ABTB3: variants seen among roughly 807,000 people sequenced by gnomAD.
ABTB3 encodes the protein ankyrin repeat- and BTB/POZ domain-containing protein 3.
chr12:107,429,216 T>C, the ABTB3 span, among the ~76,000 whole-genome samples: 19,736 of 152,112 alleles, frequency 0.13, 1,732 homozygotes, highest in Admixed American at 0.25. Flanking sequence ...TCAGTTCTGT[T>C]CCAGCTTGGG....
At chr12:107,458,577 C>A in the ABTB3 span, among the ~76,000 whole-genome samples, 1 of 152,186 alleles carries the variant, frequency 6.6e-6, no homozygotes, top group South Asian at 2.1e-4. Flanking sequence ...AAGGCAGATC[C>A]ACCCCTCACA....
chr12:107,502,749 A>C, the ABTB3 span, among the ~76,000 whole-genome samples: 1 of 152,070 alleles, frequency 6.6e-6, no homozygotes, highest in Non-Finnish European at 1.5e-5. Context: ...TACAAACCCT[A>C]CTAGGAAGTG....
chr12:107,408,932 C>T, the ABTB3 span, among the ~76,000 whole-genome samples: 41 of 152,246 alleles, frequency 2.7e-4, no homozygotes, highest in Admixed American at 2.7e-3. Context: ...TTTTAGCCCA[C>T]CCCTCCAAAA....
the ABTB3 span, among the ~76,000 whole-genome samples, chr12:107,395,437 C>G: frequency 6.6e-5 from 10 of 152,188 alleles, no homozygotes; most frequent in Non-Finnish European, 1.3e-4. Flanking sequence ...AACTTACTGC[C>G]CCCATGAGTC....
chr12:107,337,676 A>G, the ABTB3 span, among the ~76,000 whole-genome samples: 1 of 152,060 alleles, frequency 6.6e-6, no homozygotes, highest in African/African-American at 2.4e-5. Context: ...TCATCACCAG[A>G]CCCTCCCATT....
At chr12:107,401,914 G>GTTTT in the ABTB3 span, among the ~76,000 whole-genome samples, 58 of 130,874 alleles carry the variant, frequency 4.4e-4, no homozygotes, top group African/African-American at 9.1e-4. Flanking sequence ...ACCGCTTAGG[G>GTTTT]TTTTTTTTTT....
chr12:107,417,540 C>T, the ABTB3 span, among the ~76,000 whole-genome samples: 6 of 152,340 alleles, frequency 3.9e-5, no homozygotes, highest in South Asian at 1.2e-3. Context: ...CTTTGACCAC[C>T]ATTTAGCCCA....
the ABTB3 span, among the ~76,000 whole-genome samples, chr12:107,508,434 A>ATTTGTTTTTT: frequency 1.7e-5 from 1 of 58,718 alleles, no homozygotes; most frequent in Non-Finnish European, 3.8e-5. Flanking sequence ...CTCAAAGATC[A>ATTTGTTTTTT]TTTCTTTTTT....
chr12:107,615,239 C>A, the ABTB3 span: 1 of 1,133,176 alleles, frequency 8.8e-7, no homozygotes, highest in Non-Finnish European at 1.3e-6. Context: ...CCTCTCCCAG[C>A]ATGCATATTC....
At chr12:107,533,318 A>G in the ABTB3 span, among the ~76,000 whole-genome samples, 4 of 152,326 alleles carry the variant, frequency 2.6e-5, no homozygotes, top group African/African-American at 9.6e-5. Context: ...TCCAATTAAA[A>G]GGTATAGACT....
At chr12:107,520,204 C>T in the ABTB3 span, 3 of 985,306 alleles carry the variant, frequency 3.0e-6, no homozygotes, top group Non-Finnish European at 3.6e-6. Flanking sequence ...CCCTTCCAGG[C>T]CCGAGGAGAG....
chr12:107,621,625 T>A, the ABTB3 span, among the ~76,000 whole-genome samples: 3,357 of 152,282 alleles, frequency 0.022, 131 homozygotes, highest in African/African-American at 0.076. Flanking sequence ...AGCTCATAAC[T>A]ACGATGCCAA....
the ABTB3 span, among the ~76,000 whole-genome samples, chr12:107,519,023 G>T: frequency 6.6e-6 from 1 of 152,158 alleles, no homozygotes; most frequent in Non-Finnish European, 1.5e-5. Flanking sequence ...AACCCCAAAC[G>T]CAGCACAATG....
the ABTB3 span, among the ~76,000 whole-genome samples, chr12:107,365,469 T>C: frequency 1.8e-4 from 28 of 152,254 alleles, no homozygotes; most frequent in Non-Finnish European, 3.2e-4. Flanking sequence ...TTCATAATGA[T>C]GTCAGATTTT....
chr12:107,616,942 TAC>T, the ABTB3 span: 1 of 731,312 alleles, frequency 1.4e-6, no homozygotes, highest in South Asian at 1.7e-5. Context: ...TCCTCCAGGG[TAC>T]AGTTGCCCTC....
the ABTB3 span, among the ~76,000 whole-genome samples, chr12:107,373,507 A>G: frequency 2.0e-5 from 3 of 152,234 alleles, no homozygotes; most frequent in Admixed American, 6.5e-5. Flanking sequence ...AGGTTTAGAG[A>G]TGATATCCAT....
At chr12:107,405,045 C>T in the ABTB3 span, among the ~76,000 whole-genome samples, 1 of 152,282 alleles carries the variant, frequency 6.6e-6, no homozygotes, top group Non-Finnish European at 1.5e-5. Context: ...ATCCAAGGCC[C>T]TGCTGTTTTT....
At chr12:107,642,790 A>G in the ABTB3 span, among the ~76,000 whole-genome samples, 3 of 151,168 alleles carry the variant, frequency 2.0e-5, no homozygotes, top group Non-Finnish European at 4.4e-5. Flanking sequence ...TTCCTGGTCC[A>G]AGGCCAGATG....
the ABTB3 span, among the ~76,000 whole-genome samples, chr12:107,345,537 C>T: frequency 6.6e-6 from 1 of 152,076 alleles, no homozygotes; most frequent in Admixed American, 6.6e-5. Flanking sequence ...ACAAGAGAAG[C>T]CCAGGGACAG....
Sources: allele counts gnomAD v4.1 joint callset (sites outside exome capture counted in the v4.1 genomes callset), GRCh38; gene constraint gnomAD v4.1.1; transcripts MANE v1.5; gene names NCBI Gene and HGNC (gene_info 2026-07-23, HGNC 2026-07-21).